Variants in CCNY observed in about 807,000 individuals in gnomAD.
The protein encoded by CCNY is cyclin-Y.
A neutral mutation model predicts 42.8 loss-of-function variants in CCNY; 19 were observed. That is an observed-to-expected ratio of 0.44 (90% CI 0.31 to 0.65). The LOEUF is 0.65. Ranked by LOEUF, CCNY falls within the 30% of genes least tolerant of loss-of-function variation. CCNY has a pLI of 0.07. For synonymous variants in CCNY, 165 were observed against 162.7 expected (o/e 1.01, Z -0.11); for missense variants, 370 against 437.3 (o/e 0.85, Z 1.37).
At position 35,402,060 on chromosome 10, in the gene CCNY, A is replaced by T. The variant is rs189882036; in HGVS notation, c.154+64853A>T. Reference sequence around the variant, plus strand: ...TTAATAAGAAAAATAAAATAGTGGTAAAGCGTTGGGGTGGCAAAAATTTTT... The same window carrying T: ...TTAATAAGAAAAATAAAATAGTGGTTAAGCGTTGGGGTGGCAAAAATTTTT... On this transcript the variant is annotated intron_variant, in intron 1 of 9. Transcript: ENST00000374704. 6.8e-3 allele frequency among the ~76,000 whole-genome samples: 1,033 copies of T among 152,254 alleles called. 11 individuals carry two copies. Among genetic ancestry groups the T allele is most frequent in the African/African-American group, 0.024 (987 of 41,542 alleles).
At chr10:35,266,230 A>ACCATGC (rs148636885) in intron 3 of CCNY, among the ~76,000 whole-genome samples, 1 of 145,572 alleles carries the variant, frequency 6.9e-6, no homozygotes, top group African/African-American at 2.5e-5. Flanking sequence ...GGCATGCGCT[A>ACCATGC]CCATGCCCGG....
chr10:35,345,385 C>T (rs957068503), intron 1 of CCNY, among the ~76,000 whole-genome samples: 3 of 150,808 alleles, frequency 2.0e-5, no homozygotes, highest in African/African-American at 4.9e-5. Flanking sequence ...AGGAGAATGG[C>T]GTGAACCCAG....
chr10:35,492,845 T>C (rs994976775), intron 2 of CCNY, among the ~76,000 whole-genome samples: 7 of 152,214 alleles, frequency 4.6e-5, no homozygotes, highest in Admixed American at 3.9e-4. Context: ...AAACGACACA[T>C]CCATTATTTA....
At chr10:35,331,123 T>C (rs1222932721) in intron 3 of CCNY, among the ~76,000 whole-genome samples, 1 of 152,202 alleles carries the variant, frequency 6.6e-6, no homozygotes, top group Non-Finnish European at 1.5e-5. Context: ...CCAGACTTAG[T>C]CCTGTGGCCA....
At chr10:35,408,001 A>G (rs1837818754) in intron 1 of CCNY, among the ~76,000 whole-genome samples, 1 of 152,208 alleles carries the variant, frequency 6.6e-6, no homozygotes, top group Non-Finnish European at 1.5e-5. Flanking sequence ...GTCAATGGAT[A>G]AAATATGTCT....
chr10:35,269,267 C>CTACT (rs1404054151), intron 3 of CCNY, among the ~76,000 whole-genome samples: 2 of 122,632 alleles, frequency 1.6e-5, no homozygotes, highest in African/African-American at 3.4e-5. Context: ...GCCAAATAAT[C>CTACT]TACTTCCTTC....
intron 1 of CCNY, among the ~76,000 whole-genome samples, chr10:35,480,694 G>A (rs1839648181): frequency 6.6e-6 from 1 of 152,194 alleles, no homozygotes; most frequent in African/African-American, 2.4e-5. Context: ...GCTGGGCACA[G>A]TGACTCATAC....
chr10:35,448,852 TCCTGTGGC>T (rs1838850261), intron 1 of CCNY, among the ~76,000 whole-genome samples: 3 of 152,068 alleles, frequency 2.0e-5, no homozygotes, highest in Non-Finnish European at 4.4e-5. Context: ...TTGGCAGGAT[TCCTGTGGC>T]AACTATGGAG....
intron 3 of CCNY, among the ~76,000 whole-genome samples, chr10:35,290,222 T>TCTCACACACA (rs1554774113): frequency 2.4e-5 from 3 of 122,962 alleles, no homozygotes; most frequent in East Asian, 2.4e-4. Flanking sequence ...CAAGACTCCA[T>TCTCACACACA]CACACACACA....
At chr10:35,428,597 G>C (rs117228557) in intron 1 of CCNY, among the ~76,000 whole-genome samples, 1,932 of 152,172 alleles carry the variant, frequency 0.013, 36 homozygotes, top group East Asian at 0.056. Context: ...CAAGGGGTAA[G>C]GGTGAAGGCA....
In CCNY at chr10:35,553,062, G is replaced by A. The variant is rs1193950596; in HGVS notation, c.623G>A (p.Cys208Tyr). 6.2e-7 allele frequency: 1 copy of A among 1,614,190 alleles called. No individual in the cohort carries two copies. The highest frequency in any genetic ancestry group is 8.5e-7 in the Non-Finnish European group (1 of 1,180,014). The stretch of plus-strand genomic sequence containing the variant: ...TTAACATACGCAGAGATAGATATCT[G>A]TCCGGCCAACTGGAAGCGGATTGTT... ...RLLTYAEIDI[C>Y]PANWKRIVLG... The change falls in exon 8 of 10, where the codon TGT becomes TAT. Residue 208 changes from cysteine (C) to tyrosine (Y), a missense_variant. Coordinates refer to ENST00000374704, the MANE Select transcript of CCNY (RefSeq NM_145012.6).
intron 2 of CCNY, among the ~76,000 whole-genome samples, chr10:35,483,875 T>C (rs1463751950): frequency 6.6e-6 from 1 of 152,224 alleles, no homozygotes; most frequent in East Asian, 1.9e-4. Flanking sequence ...ACCAACTAGC[T>C]CTGTTGTGTC....
chr10:35,391,054 A>G (rs1179984242), intron 1 of CCNY, among the ~76,000 whole-genome samples: 1 of 152,194 alleles, frequency 6.6e-6, no homozygotes, highest in Non-Finnish European at 1.5e-5. Context: ...TAGAAATGAA[A>G]TGCTTGTTCC....
intron 3 of CCNY, among the ~76,000 whole-genome samples, chr10:35,265,214 G>C (rs72793874): frequency 2.0e-5 from 3 of 152,136 alleles, no homozygotes; most frequent in South Asian, 4.1e-4. Flanking sequence ...ACAATCAAAC[G>C]ACTAGGAATA....
chr10:35,567,322 T>C (rs567033437), intron 9 of CCNY, among the ~76,000 whole-genome samples: 123 of 152,340 alleles, frequency 8.1e-4, no homozygotes, highest in African/African-American at 2.6e-3. Context: ...TCACAGCATA[T>C]TTGTATGTGG....
chr10:35,476,819 A>T (rs1362457480), intron 1 of CCNY, among the ~76,000 whole-genome samples: 19 of 152,114 alleles, frequency 1.2e-4, no homozygotes, highest in Admixed American at 1.2e-3. Context: ...GACACAAAAA[A>T]CCCTTCAAAA....
intron 4 of CCNY, among the ~76,000 whole-genome samples, chr10:35,525,123 A>G (rs754027938): frequency 1.2e-4 from 19 of 152,254 alleles, no homozygotes; most frequent in Non-Finnish European, 2.5e-4. Context: ...TTCGACAATC[A>G]TATGAAGGAA....
intron 1 of CCNY, among the ~76,000 whole-genome samples, chr10:35,464,493 T>C (rs1839217455): frequency 6.6e-6 from 1 of 152,078 alleles, no homozygotes; most frequent in Admixed American, 6.6e-5. Context: ...GGGATAAAAA[T>C]CCAGACTCCT....
intron 5 of CCNY, among the ~76,000 whole-genome samples, chr10:35,527,974 T>G (rs1036604238): frequency 5.9e-5 from 9 of 152,188 alleles, no homozygotes; most frequent in African/African-American, 1.7e-4. Context: ...TGAGTCGTCT[T>G]AGCTCGAGCT....
Sources: gnomAD v4.1 joint callset for allele counts (sites outside exome capture counted in the v4.1 genomes callset) on GRCh38, gnomAD v4.1.1 for gene constraint, MANE v1.5 for transcripts, NCBI Gene and HGNC (gene_info 2026-07-23, HGNC 2026-07-21) for gene names.